PCDH15: variants seen among roughly 807,000 people sequenced by gnomAD.
The protein encoded by PCDH15 is protocadherin-15.
In PCDH15, 129 loss-of-function variants were observed where a neutral mutation model predicts 178.5. The ratio of observed to expected loss-of-function variants is 0.72; its 90% CI spans 0.63 to 0.84. The LOEUF (loss-of-function observed/expected upper bound fraction) is 0.84. Among genes scored for constraint, PCDH15 ranks in the 40% least tolerant of loss-of-function variants. The probability of loss-of-function intolerance (pLI) is 0.00; values close to 1 mark genes in which losing one functional copy is unlikely to be tolerated. For synonymous variants in PCDH15, 800 were observed against 732.0 expected, an observed-to-expected ratio of 1.09 and a Z score of -1.50; for missense variants, 2,230 against 2,099.9, an observed-to-expected ratio of 1.06 and a Z score of -1.21.
Position 54,442,489 on chromosome 10 carries a change from TTTG to T in PCDH15, c.158-63550_158-63548del, listed in dbSNP as rs542220688. 5.5e-3 allele frequency among the ~76,000 whole-genome samples: 739 copies of T among 134,056 alleles called. 16 individuals are homozygous for T. The highest frequency in any genetic ancestry group is 0.02 in the African/African-American group (706 of 35,892). The allele number at this position is 134,056 out of a possible 152,430, so 87.9% of individuals were successfully genotyped here. ...TCTTTTTTATTATAATAAATACTAT[TTTG>T]TTTTTTTTAAATGAAACAATCTGCA... On this transcript the variant is annotated intron_variant, in intron 3 of 37. Coordinates refer to ENST00000644397, the MANE Select transcript of PCDH15 (RefSeq NM_001384140.1).
chr10:54,770,021 T>C (rs958935456), intron 1 of PCDH15, among the ~76,000 whole-genome samples: 2 of 152,122 alleles, frequency 1.3e-5, no homozygotes, highest in African/African-American at 4.8e-5. Context: ...AAAATTTACT[T>C]CTTCAGTCAT....
chr10:55,335,890 T>C (rs1052676125), intron 2 of PCDH15, among the ~76,000 whole-genome samples: 1 of 152,106 alleles, frequency 6.6e-6, no homozygotes, highest in African/African-American at 2.4e-5. Flanking sequence ...AGCAGACGCC[T>C]TAGTCTTTAG....
chr10:54,543,217 C>A (rs774235175), intron 2 of PCDH15, among the ~76,000 whole-genome samples: 15 of 152,196 alleles, frequency 9.9e-5, no homozygotes, highest in Non-Finnish European at 1.6e-4. Flanking sequence ...TTCTCCAAGC[C>A]CACGTGTGAT....
intron 2 of PCDH15, among the ~76,000 whole-genome samples, chr10:55,405,158 T>TA (rs950172152): frequency 5.9e-5 from 9 of 151,460 alleles, no homozygotes; most frequent in African/African-American, 2.2e-4. Context: ...ACCTACCAAA[T>TA]ATGTGGATGA....
At chr10:53,984,913 A>C (rs2090990850) in intron 21 of PCDH15, among the ~76,000 whole-genome samples, 1 of 152,172 alleles carries the variant, frequency 6.6e-6, no homozygotes, top group African/African-American at 2.4e-5. Context: ...TGCTTTGGTC[A>C]ACAGACATGA....
chr10:53,826,527 TTTAA>T (rs1353599949), intron 32 of PCDH15, among the ~76,000 whole-genome samples: 2 of 152,096 alleles, frequency 1.3e-5, no homozygotes, highest in Admixed American at 6.5e-5. Context: ...GTTTTCTGGA[TTTAA>T]TTGTCATATT....
At chr10:55,289,603 A>AC (rs1842958660) in intron 1 of PCDH15, among the ~76,000 whole-genome samples, 1 of 152,012 alleles carries the variant, frequency 6.6e-6, no homozygotes, top group Non-Finnish European at 1.5e-5. Context: ...CATCTTATGG[A>AC]CCCCTAAGAA....
At chr10:54,061,313 C>G (rs2094008403) in intron 18 of PCDH15, among the ~76,000 whole-genome samples, 1 of 152,152 alleles carries the variant, frequency 6.6e-6, no homozygotes. Context: ...GAAATACTCT[C>G]AAGGATACTA....
chr10:55,287,689 G>C (rs1337756194), intron 1 of PCDH15, among the ~76,000 whole-genome samples: 2 of 151,996 alleles, frequency 1.3e-5, no homozygotes, highest in Non-Finnish European at 2.9e-5. Context: ...GTGTGTATGT[G>C]TGTGTTTTAA....
intron 2 of PCDH15, among the ~76,000 whole-genome samples, chr10:55,625,242 A>T (rs1159298834): frequency 6.6e-6 from 1 of 152,154 alleles, no homozygotes; most frequent in African/African-American, 2.4e-5. Flanking sequence ...AAATATACAA[A>T]TGATAAAATT....
At chr10:55,141,794 T>C (rs1325446629) in intron 2 of PCDH15, among the ~76,000 whole-genome samples, 2 of 151,970 alleles carry the variant, frequency 1.3e-5, no homozygotes, top group African/African-American at 2.4e-5. Flanking sequence ...TGAACAAAAG[T>C]AAGCTCATTA....
At chr10:54,792,107 G>C (rs1386808544) in intron 1 of PCDH15, among the ~76,000 whole-genome samples, 1 of 151,760 alleles carries the variant, frequency 6.6e-6, no homozygotes, top group Non-Finnish European at 1.5e-5. Context: ...CATAATCTGG[G>C]GCAGGGCTCC....
At chr10:55,545,410 G>T (rs1841858305) in intron 2 of PCDH15, among the ~76,000 whole-genome samples, 1 of 151,994 alleles carries the variant, frequency 6.6e-6, no homozygotes, top group Non-Finnish European at 1.5e-5. Context: ...CTAGTAGCTG[G>T]GATTACAGGT....
intron 5 of PCDH15, among the ~76,000 whole-genome samples, chr10:54,360,393 T>C (rs1945808710): frequency 1.3e-5 from 2 of 152,102 alleles, no homozygotes; most frequent in Non-Finnish European, 2.9e-5. Flanking sequence ...CCTGATTAAA[T>C]CCTTCTTTTC....
chr10:53,836,771 A>C (rs2077331297), intron 29 of PCDH15, among the ~76,000 whole-genome samples: 1 of 152,146 alleles, frequency 6.6e-6, no homozygotes, highest in Admixed American at 6.5e-5. Context: ...TAAAACAACC[A>C]TTTTCAAGAA....
chr10:55,123,271 A>T (rs1176723164), intron 2 of PCDH15, among the ~76,000 whole-genome samples: 1 of 152,080 alleles, frequency 6.6e-6, no homozygotes, highest in Non-Finnish European at 1.5e-5. Flanking sequence ...AAACTAATAA[A>T]ATAATAATTT....
At chr10:55,507,687 A>G (rs1402933751) in intron 2 of PCDH15, among the ~76,000 whole-genome samples, 1 of 150,294 alleles carries the variant, frequency 6.7e-6, no homozygotes, top group Non-Finnish European at 1.5e-5. Context: ...GAAAGTGACC[A>G]ATTTGGGTCT....
At chr10:54,726,196 CAGTT>C (rs1178975816) in intron 1 of PCDH15, among the ~76,000 whole-genome samples, 1 of 151,372 alleles carries the variant, frequency 6.6e-6, no homozygotes. Context: ...GTTTTACTAA[CAGTT>C]AGAAAATTGG....
At chr10:54,088,331 G>T (rs1363735623) in intron 16 of PCDH15, among the ~76,000 whole-genome samples, 1 of 152,086 alleles carries the variant, frequency 6.6e-6, no homozygotes, top group Non-Finnish European at 1.5e-5. Flanking sequence ...ATATTTCCAT[G>T]TGCTTGTTGG....
Sources: allele counts gnomAD v4.1 joint callset (sites outside exome capture counted in the v4.1 genomes callset), GRCh38; gene constraint gnomAD v4.1.1; transcripts MANE v1.5; gene names NCBI Gene and HGNC (gene_info 2026-07-23, HGNC 2026-07-21).